CEP170: variants seen among roughly 807,000 people sequenced by gnomAD.
CEP170 encodes centrosomal protein 170, also known as centrosomal protein of 170 kDa.
CEP170 carries 21 observed loss-of-function variants against 151.9 expected under a neutral mutation model. The ratio of observed to expected loss-of-function variants is 0.14; its 90% CI spans 0.10 to 0.20. CEP170 has a LOEUF of 0.20. CEP170 is among the 10% of genes least tolerant of loss of function. The pLI is 1.00. For synonymous variants in CEP170, 356 were observed against 648.8 expected (o/e 0.55, Z 6.86); for missense variants, 964 against 1,892.9 (o/e 0.51, Z 9.11).
chr1:243,145,243 A>T (rs2056327403), intron 14 of CEP170, among the ~76,000 whole-genome samples: 1 of 152,244 alleles, frequency 6.6e-6, no homozygotes. Context: ...ACTGCCAACA[A>T]AACATTGTTT....
intron 17 of CEP170, among the ~76,000 whole-genome samples, chr1:243,134,273 A>T (rs1342989207): frequency 6.6e-6 from 1 of 152,210 alleles, no homozygotes; most frequent in Admixed American, 6.5e-5. Context: ...GTCTAATTAT[A>T]AAGTACCTAG....
chr1:243,208,558 C>CT (rs1159502365), intron 4 of CEP170, among the ~76,000 whole-genome samples: 1 of 151,650 alleles, frequency 6.6e-6, no homozygotes, highest in Non-Finnish European at 1.5e-5. Flanking sequence ...GCTTCAAGTC[C>CT]TTTGTACTAT....
chr1:243,197,834 A>C (rs2060760882), intron 7 of CEP170, among the ~76,000 whole-genome samples: 1 of 152,062 alleles, frequency 6.6e-6, no homozygotes, highest in Non-Finnish European at 1.5e-5. Context: ...AAGCGTGCTA[A>C]GTAATACTGT....
intron 1 of CEP170, among the ~76,000 whole-genome samples, chr1:243,253,679 A>C (rs2066169221): frequency 6.6e-6 from 1 of 152,182 alleles, no homozygotes; most frequent in East Asian, 1.9e-4. Context: ...TCCAGATACT[A>C]TAGTCATAAT....
chr1:243,194,222 A>G (rs2060492952), intron 7 of CEP170, among the ~76,000 whole-genome samples: 1 of 152,002 alleles, frequency 6.6e-6, no homozygotes, highest in Non-Finnish European at 1.5e-5. Flanking sequence ...ATGGCCCCAA[A>G]AACATGATAG....
chr1:243,224,706 T>A (rs2063092851), intron 2 of CEP170, among the ~76,000 whole-genome samples: 1 of 152,192 alleles, frequency 6.6e-6, no homozygotes, highest in East Asian at 1.9e-4. Context: ...TCTGTGTGTA[T>A]CACATAACAT....
intron 1 of CEP170, among the ~76,000 whole-genome samples, chr1:243,252,446 T>A (rs2066027271): frequency 6.6e-6 from 1 of 152,188 alleles, no homozygotes; most frequent in Non-Finnish European, 1.5e-5. Flanking sequence ...TAGATGAGCA[T>A]TATCTAATTG....
At chr1:243,214,744 T>C (rs2062122548) in intron 3 of CEP170, among the ~76,000 whole-genome samples, 1 of 152,356 alleles carries the variant, frequency 6.6e-6, no homozygotes, top group Admixed American at 6.5e-5. Flanking sequence ...GATGAGCAGT[T>C]AGTTGCATTC....
At chr1:243,215,620 C>T (rs2062203679) in intron 3 of CEP170, among the ~76,000 whole-genome samples, 1 of 152,158 alleles carries the variant, frequency 6.6e-6, no homozygotes, top group African/African-American at 2.4e-5. Context: ...AACCCTGTCT[C>T]CTGATAAGAT....
intron 17 of CEP170, chr1:243,135,824 T>A (rs1012824059): frequency 3.7e-4 from 59 of 159,104 alleles, no homozygotes; most frequent in Non-Finnish European, 7.2e-4. Flanking sequence ...AATATAGAAT[T>A]ATATTTGTGT....
At chr1:243,228,994 G>C (rs1184876815) in intron 1 of CEP170, among the ~76,000 whole-genome samples, 1 of 152,206 alleles carries the variant, frequency 6.6e-6, no homozygotes, top group Non-Finnish European at 1.5e-5. Context: ...TGCTGAGTGG[G>C]AATGTGATAT....
At chr1:243,164,175 A>G in intron 13 of CEP170, 109 bp downstream of exon 13, 1 of 1,268,054 alleles carries the variant, frequency 7.9e-7, no homozygotes, top group Admixed American at 3.7e-5. Flanking sequence ...TTTGTTTTGA[A>G]TGAGTATCTT....
intron 14 of CEP170, among the ~76,000 whole-genome samples, chr1:243,155,791 T>C: frequency 6.6e-6 from 1 of 152,186 alleles, no homozygotes. Flanking sequence ...AGTGAAAATC[T>C]GCTTACCCTA....
intron 16 of CEP170, among the ~76,000 whole-genome samples, chr1:243,138,422 A>G (rs1018103906): frequency 1.3e-5 from 2 of 151,478 alleles, no homozygotes; most frequent in African/African-American, 2.4e-5. Context: ...ATCTTTTTCT[A>G]CTCAGTACCA....
chr1:243,216,187 A>T (rs2062266995), intron 3 of CEP170, among the ~76,000 whole-genome samples: 1 of 152,104 alleles, frequency 6.6e-6, no homozygotes, highest in Non-Finnish European at 1.5e-5. Context: ...AAATTACTTT[A>T]TTCTTTCCTT....
chr1:243,171,912 ACT>A (rs1326958775), intron 11 of CEP170, among the ~76,000 whole-genome samples: 1 of 152,060 alleles, frequency 6.6e-6, no homozygotes, highest in East Asian at 1.9e-4. Context: ...ATGCATACTG[ACT>A]CTGTAATTAT....
At chr1:243,232,260 T>G (rs2063831900) in intron 1 of CEP170, among the ~76,000 whole-genome samples, 1 of 152,168 alleles carries the variant, frequency 6.6e-6, no homozygotes, top group African/African-American at 2.4e-5. Context: ...CCCCCATGCC[T>G]GGCCTTCAGT....
intron 13 of CEP170, among the ~76,000 whole-genome samples, chr1:243,161,337 T>A (rs1364458397): frequency 6.6e-6 from 1 of 151,942 alleles, no homozygotes; most frequent in African/African-American, 2.4e-5. Flanking sequence ...AAAGAATGTT[T>A]TGGGGAAAAA....
At chr1:243,192,776 C>G (rs1436933788) in intron 7 of CEP170, among the ~76,000 whole-genome samples, 1 of 152,198 alleles carries the variant, frequency 6.6e-6, no homozygotes, top group Non-Finnish European at 1.5e-5. Context: ...TAATATAAAA[C>G]CTGACTGCTT....
Sources: allele counts gnomAD v4.1 joint callset (sites outside exome capture counted in the v4.1 genomes callset), GRCh38; gene constraint gnomAD v4.1.1; transcripts MANE v1.5; gene names NCBI Gene and HGNC (gene_info 2026-07-23, HGNC 2026-07-21).